The following SYN1 variants were observed in gnomAD, a reference collection of about 807,000 sequenced individuals.
SYN1 encodes synapsin I.
A neutral mutation model predicts 44.6 loss-of-function variants in SYN1; 8 were observed. That is an observed-to-expected ratio of 0.18 (90% CI 0.11 to 0.32). The LOEUF (loss-of-function observed/expected upper bound fraction) is 0.32, where lower values mean the gene tolerates loss of function less well. Among genes scored for constraint, SYN1 ranks in the 10% least tolerant of loss-of-function variants. The pLI, the probability that SYN1 is intolerant of heterozygous loss-of-function variation, is 1.00. For synonymous variants in SYN1, 275 were observed against 280.1 expected (o/e 0.98, Z 0.18); for missense variants, 451 against 639.4 (o/e 0.71, Z 3.18).
intron 5 of SYN1, among the ~76,000 whole-genome samples, chrX:47,600,560 T>G (rs1183908080): frequency 9.0e-6 from 1 of 111,664 alleles, no homozygotes. Context: ...TATAGAACAC[T>G]TCACCCTACA....
In SYN1 at chrX:47,605,017, A is replaced by G; in HGVS notation, c.735T>C (p.Pro245=). The G allele has an allele frequency of 8.3e-7, 1 of 1,211,792 alleles. No homozygotes were observed. The highest frequency in any genetic ancestry group is 1.1e-6 in the Non-Finnish European group (1 of 895,476). Residue 245 remains proline (P), a synonymous_variant, in exon 5 of 13, where the codon CCT becomes CCC. Coordinates refer to ENST00000295987, the MANE Select transcript of SYN1 (RefSeq NM_006950.3). ...TGGGGTAGAAGGTCTGATCAATTAG[A>G]GGGAATTCTTCTGTCCCCAGTTTCT... The part of the protein sequence containing the change: ...LHKKLGTEEF[P]LIDQTFYPNH...
At chrX:47,605,449 A>G (rs772138635) in intron 3 of SYN1, 70 bp from the exon 4 acceptor site, 29 of 1,146,733 alleles carry the variant, frequency 2.5e-5, no homozygotes, top group Non-Finnish European at 3.4e-5. Flanking sequence ...AACAAAGACC[A>G]AGTTTTTAAA....
At chrX:47,580,736 G>T (rs113374339) in intron 5 of SYN1, among the ~76,000 whole-genome samples, 1 of 110,136 alleles carries the variant, frequency 9.1e-6, no homozygotes, top group Non-Finnish European at 1.9e-5. Context: ...AGGAGTTCGA[G>T]ATCTGACCAA....
chrX:47,582,298 G>C (rs1017246201), intron 5 of SYN1: 1 of 133,049 alleles, frequency 7.5e-6, no homozygotes, highest in African/African-American at 3.2e-5. Flanking sequence ...TCCTTTCGTC[G>C]GCCCGCCCCT....
At chrX:47,585,362 A>G (rs1329861512) in intron 5 of SYN1, 10 of 1,208,146 alleles carry the variant, frequency 8.3e-6, no homozygotes, top group Non-Finnish European at 1.0e-5. Context: ...CCTGTGCCAC[A>G]CCAACCAGTC....
At chrX:47,602,029 C>G (rs2057881254) in intron 5 of SYN1, among the ~76,000 whole-genome samples, 2 of 112,294 alleles carry the variant, frequency 1.8e-5, no homozygotes, top group Non-Finnish European at 3.8e-5. Context: ...AATACTCAAC[C>G]AACTAAGAAT....
intron 5 of SYN1, 102 bp from the exon 6 acceptor site, chrX:47,577,603 G>T: frequency 1.4e-6 from 1 of 738,987 alleles, no homozygotes; most frequent in Non-Finnish European, 2.1e-6. Context: ...ACTGCATTAT[G>T]AGTCACTTCC....
intron 1 of SYN1, among the ~76,000 whole-genome samples, chrX:47,613,353 T>C (rs1603075573): frequency 9.1e-6 from 1 of 110,349 alleles, no homozygotes; most frequent in East Asian, 2.9e-4. Flanking sequence ...AGAGAAGCTA[T>C]GTGTGGGGGC....
intron 5 of SYN1, among the ~76,000 whole-genome samples, chrX:47,594,458 C>T (rs958464039): frequency 7.5e-5 from 8 of 106,876 alleles, no homozygotes; most frequent in Non-Finnish European, 1.3e-4. Flanking sequence ...TGCTTGAACC[C>T]GGGAGGCAGA....
chrX:47,584,901 G>A, intron 5 of SYN1: 1 of 1,143,719 alleles, frequency 8.7e-7, no homozygotes, highest in Non-Finnish European at 1.2e-6. Flanking sequence ...GGCTCATGCA[G>A]TCCATTTGAC....
At chrX:47,610,607 G>C (rs1320547219) in intron 1 of SYN1, among the ~76,000 whole-genome samples, 3 of 110,217 alleles carry the variant, frequency 2.7e-5, no homozygotes, top group Non-Finnish European at 5.7e-5. Context: ...ATTGGCAGGA[G>C]CTGGGAAGGT....
At position 47,572,613 on chromosome X, in the gene SYN1, CAGAAGT is replaced by C. The variant is rs1273894998; in HGVS notation, c.*245_*250del. ...CTTCAGGAATGTGGAGGTTCTAAAA[CAGAAGT>C]AGATCCTGAAGTGACCACGAGTGGG... is the stretch of plus-strand genomic sequence containing the variant. On this transcript the variant is annotated 3_prime_UTR_variant, in exon 13 of 13. Coordinates refer to ENST00000295987, the MANE Select transcript of SYN1 (RefSeq NM_006950.3). 2.8e-6 allele frequency: 1 copy of C among 361,807 alleles called. No individual in the cohort carries two copies. The highest frequency in any genetic ancestry group is 2.6e-5 in the African/African-American group (1 of 38,422). 29.8% of individuals were successfully genotyped at this position (361,807 alleles called of 1,213,427 possible). A position where few individuals can be genotyped will look rare whatever the true frequency, so the allele number is the denominator to read the frequency against.
At position 47,606,747 on chromosome X, in the gene SYN1, A is replaced by T. The variant is rs760673829; in HGVS notation, c.527+198T>A. Among the ~76,000 whole-genome samples the T allele has an allele frequency of 4.2e-3, 417 of 99,608 alleles. 8 individuals are homozygous for T. Among genetic ancestry groups the T allele is most frequent in the African/African-American group, 0.015 (375 of 24,294 alleles). The allele number at this position is 99,608 out of a possible 115,157, so 86.5% of individuals were successfully genotyped here. ...CTGTCTGAAATATATATATATATATATATATTTTTTTTTAAAGTCTGACTT... is the reference window on the plus strand; with the variant it reads ...CTGTCTGAAATATATATATATATATTTATATTTTTTTTTAAAGTCTGACTT... On this transcript the variant is annotated intron_variant, in intron 3 of 12. Coordinates refer to ENST00000295987, the MANE Select transcript of SYN1 (RefSeq NM_006950.3).
intron 5 of SYN1, among the ~76,000 whole-genome samples, chrX:47,580,895 C>T (rs1336544800): frequency 9.3e-6 from 1 of 107,771 alleles, no homozygotes; most frequent in Non-Finnish European, 1.9e-5. Context: ...GATCGCGCCA[C>T]TGCACTCCAG....
At chrX:47,573,865 G>C (rs1198748799) in intron 12 of SYN1, 137 bp downstream of exon 12, 7 of 545,603 alleles carry the variant, frequency 1.3e-5, no homozygotes, top group Non-Finnish European at 1.5e-5. Context: ...GGAAGGGCTT[G>C]GCTCAGGCTG....
chrX:47,588,850 G>A lies in SYN1; in HGVS notation c.775-11349C>T, dbSNP rs752584028. ...TGGGACCCAGCTCAGTGGGGAGCCTGGGGGGCCAGTCCTTCTCTCACCTGA... is the reference window on the plus strand; with the variant it reads ...TGGGACCCAGCTCAGTGGGGAGCCTAGGGGGCCAGTCCTTCTCTCACCTGA... On this transcript the variant is annotated intron_variant, in intron 5 of 12. Coordinates refer to ENST00000295987, the MANE Select transcript of SYN1 (RefSeq NM_006950.3). 2.7e-5 allele frequency among the ~76,000 whole-genome samples: 3 copies of A among 111,574 alleles called. No homozygotes were observed. In the South Asian group the frequency reaches 1.1e-3, roughly 42 times the overall value.
chrX:47,602,777 A>G (rs1308324509), intron 5 of SYN1, among the ~76,000 whole-genome samples: 2 of 112,366 alleles, frequency 1.8e-5, no homozygotes, highest in Non-Finnish European at 3.8e-5. Context: ...TGTTTATTTA[A>G]TCAAGTTGAT....
intron 5 of SYN1, chrX:47,583,381 C>T: frequency 8.5e-7 from 1 of 1,175,802 alleles, no homozygotes; most frequent in South Asian, 1.9e-5. Flanking sequence ...TGGGCCGGGG[C>T]CTGCCTGACA....
chrX:47,594,857 A>G (rs1417158101), intron 5 of SYN1, among the ~76,000 whole-genome samples: 1 of 110,139 alleles, frequency 9.1e-6, no homozygotes, highest in African/African-American at 3.3e-5. Flanking sequence ...CCGCTCGAGT[A>G]GCTGGGATTA....
Sources: allele counts gnomAD v4.1 joint callset (sites outside exome capture counted in the v4.1 genomes callset), GRCh38; gene constraint gnomAD v4.1.1; transcripts MANE v1.5; gene names NCBI Gene and HGNC (gene_info 2026-07-23, HGNC 2026-07-21).